The following CACNA2D1 variants were observed in gnomAD, a reference collection of about 807,000 sequenced individuals.
CACNA2D1 encodes the protein calcium voltage-gated channel auxiliary subunit alpha2delta 1, also known as voltage-dependent calcium channel subunit alpha-2/delta-1.
In CACNA2D1, 53 loss-of-function variants were observed where a neutral mutation model predicts 171.5. The observed-to-expected ratio is 0.31, with a 90% confidence interval of 0.25 to 0.39. The LOEUF (loss-of-function observed/expected upper bound fraction) is 0.39. CACNA2D1 is among the 10% of genes least tolerant of loss of function. The pLI, the probability that CACNA2D1 is intolerant of heterozygous loss-of-function variation, is 1.00. For synonymous variants in CACNA2D1, 442 were observed against 443.1 expected, an observed-to-expected ratio of 1.00 and a Z score of 0.03; for missense variants, 903 against 1,299.8, an observed-to-expected ratio of 0.69 and a Z score of 4.69.
intron 24 of CACNA2D1, among the ~76,000 whole-genome samples, chr7:81,980,999 A>T (rs533893339): frequency 6.6e-6 from 1 of 152,330 alleles, no homozygotes; most frequent in East Asian, 1.9e-4. Flanking sequence ...GATGTGTCTC[A>T]TATTGAAATA....
chr7:82,368,590 G>A (rs948517564), intron 1 of CACNA2D1, among the ~76,000 whole-genome samples: 69 of 152,112 alleles, frequency 4.5e-4, no homozygotes, highest in African/African-American at 1.5e-3. Flanking sequence ...TTTTATGTAT[G>A]TTTTAATCTA....
At chr7:81,958,528 AAAG>A (rs1793711681) in intron 38 of CACNA2D1, among the ~76,000 whole-genome samples, 1 of 151,974 alleles carries the variant, frequency 6.6e-6, no homozygotes, top group Non-Finnish European at 1.5e-5. Context: ...TTAAAAGCAT[AAAG>A]CTAATGTAGT....
rs116349463 is a variant in CACNA2D1, at chr7:82,133,370, T to A, written c.396+3265A>T. On this transcript the variant is annotated intron_variant, in intron 5 of 38. Transcript: ENST00000356860. ...TCCCATGTTGAGGGCAAAATCTGAA[T>A]ACTGGAAGACAAGTAATCAAAACAG... is the stretch of plus-strand genomic sequence containing the variant. Among the ~76,000 whole-genome samples the A allele has an allele frequency of 2.8e-3, 419 of 152,284 alleles. 3 individuals carry two copies. The highest frequency in any genetic ancestry group is 9.4e-3 in the African/African-American group (391 of 41,570).
chr7:82,425,656 C>T (rs769837722), intron 1 of CACNA2D1, among the ~76,000 whole-genome samples: 2 of 150,348 alleles, frequency 1.3e-5, no homozygotes, highest in South Asian at 2.1e-4. Flanking sequence ...TCCTCTCACC[C>T]GCATAGCTGG....
intron 13 of CACNA2D1, 112 bp from the exon 14 acceptor site, chr7:82,013,622 T>C: frequency 2.8e-6 from 1 of 352,526 alleles, no homozygotes. Flanking sequence ...ACAATATATT[T>C]CACTTCAAAA....
intron 1 of CACNA2D1, among the ~76,000 whole-genome samples, chr7:82,393,730 C>T (rs1435785625): frequency 6.6e-6 from 1 of 152,058 alleles, no homozygotes; most frequent in Non-Finnish European, 1.5e-5. Context: ...ATGATATAAA[C>T]AAGACAGGAT....
intron 3 of CACNA2D1, among the ~76,000 whole-genome samples, chr7:82,265,682 T>C (rs1807753451): frequency 6.6e-6 from 1 of 152,120 alleles, no homozygotes; most frequent in Non-Finnish European, 1.5e-5. Flanking sequence ...AAGTATTATT[T>C]AGCTGTCTCG....
At chr7:82,186,489 G>T (rs1379205927) in intron 3 of CACNA2D1, among the ~76,000 whole-genome samples, 7 of 152,146 alleles carry the variant, frequency 4.6e-5, no homozygotes, top group African/African-American at 1.2e-4. Context: ...GCAAAGTTAA[G>T]GTTGCAGGGT....
At chr7:82,376,744 G>C (rs766229488) in intron 1 of CACNA2D1, among the ~76,000 whole-genome samples, 4 of 152,062 alleles carry the variant, frequency 2.6e-5, no homozygotes, top group Admixed American at 2.6e-4. Flanking sequence ...TAAAATATTT[G>C]GCTGTGAACA....
intron 3 of CACNA2D1, among the ~76,000 whole-genome samples, chr7:82,291,780 C>A (rs918887471): frequency 4.6e-5 from 7 of 150,836 alleles, no homozygotes; most frequent in Non-Finnish European, 1.0e-4. Context: ...GCTGAGATTA[C>A]AGGCGTGAGC....
At chr7:81,953,598 C>T (rs1332397472) in intron 38 of CACNA2D1, among the ~76,000 whole-genome samples, 1 of 151,622 alleles carries the variant, frequency 6.6e-6, no homozygotes, top group African/African-American at 2.4e-5. Context: ...ATTTCATACA[C>T]AGAAGAGTGG....
chr7:82,098,413 AT>A (rs989058055), intron 6 of CACNA2D1, among the ~76,000 whole-genome samples: 1 of 152,140 alleles, frequency 6.6e-6, no homozygotes, highest in Non-Finnish European at 1.5e-5. Flanking sequence ...CAAACCCATT[AT>A]TTTCTAATGC....
At chr7:82,115,738 G>C (rs1333241500) in intron 6 of CACNA2D1, among the ~76,000 whole-genome samples, 3 of 148,456 alleles carry the variant, frequency 2.0e-5, no homozygotes, top group Admixed American at 6.6e-5. Flanking sequence ...TAATCTCAAA[G>C]TGAATAAAAA....
intron 3 of CACNA2D1, among the ~76,000 whole-genome samples, chr7:82,266,760 G>T (rs146118474): frequency 6.6e-6 from 1 of 152,004 alleles, no homozygotes; most frequent in African/African-American, 2.4e-5. Context: ...CAGGTGATCC[G>T]CCCACCTCTG....
At chr7:81,997,032 A>C in intron 19 of CACNA2D1, 147 bp downstream of exon 19, 1 of 654,388 alleles carries the variant, frequency 1.5e-6, no homozygotes, top group Non-Finnish European at 2.8e-6. Context: ...GATCTAGAAA[A>C]TTTTAATGAC....
intron 38 of CACNA2D1, among the ~76,000 whole-genome samples, chr7:81,954,903 G>T (rs980873000): frequency 6.6e-6 from 1 of 151,926 alleles, no homozygotes. Context: ...TTTGTTCTCC[G>T]ACATGTCACC....
intron 4 of CACNA2D1, among the ~76,000 whole-genome samples, chr7:82,162,308 T>C (rs1435330262): frequency 6.6e-6 from 1 of 151,824 alleles, no homozygotes; most frequent in East Asian, 1.9e-4. Context: ...TTTTCTTTAA[T>C]GTTGGAAGAT....
chr7:82,168,924 C>T (rs576158828), intron 4 of CACNA2D1, among the ~76,000 whole-genome samples: 2 of 151,976 alleles, frequency 1.3e-5, no homozygotes, highest in African/African-American at 2.4e-5. Flanking sequence ...TTGAGTTCTC[C>T]GAATTACTGA....
intron 12 of CACNA2D1, among the ~76,000 whole-genome samples, chr7:82,020,108 A>G (rs963568519): frequency 1.2e-4 from 18 of 152,216 alleles, no homozygotes; most frequent in African/African-American, 4.3e-4. Flanking sequence ...AAGCCCAAGG[A>G]TCTGAAAGTT....
Sources: gnomAD v4.1 joint callset for allele counts (sites outside exome capture counted in the v4.1 genomes callset) on GRCh38, gnomAD v4.1.1 for gene constraint, MANE v1.5 for transcripts, NCBI Gene and HGNC (gene_info 2026-07-23, HGNC 2026-07-21) for gene names.